Variants in HIVEP3 observed in about 807,000 individuals in gnomAD.
HIVEP3 encodes the protein transcription factor HIVEP3.
In HIVEP3, 49 loss-of-function variants were observed where a neutral mutation model predicts 152.8. That is an observed-to-expected ratio of 0.32 (90% CI 0.26 to 0.41). The LOEUF is 0.41. Ranked by LOEUF, HIVEP3 falls within the 10% of genes least tolerant of loss-of-function variation. The pLI is 1.00. For synonymous variants in HIVEP3, 1,269 were observed against 1,289.0 expected (o/e 0.98, Z 0.33); for missense variants, 2,790 against 3,103.3 (o/e 0.90, Z 2.40).
intron 1 of HIVEP3, among the ~76,000 whole-genome samples, chr1:41,851,629 A>G (rs1311077127): frequency 6.6e-6 from 1 of 152,168 alleles, no homozygotes; most frequent in Non-Finnish European, 1.5e-5. Flanking sequence ...CGTGGTTTCC[A>G]AAGTTGGAAT....
At chr1:41,600,835 G>A (rs1028583912) in intron 3 of HIVEP3, among the ~76,000 whole-genome samples, 12 of 152,028 alleles carry the variant, frequency 7.9e-5, no homozygotes, top group African/African-American at 2.9e-4. Flanking sequence ...TTTCTCCTAT[G>A]TTTTCTTCTA....
At chr1:41,670,461 C>T (rs1382737729) in intron 2 of HIVEP3, among the ~76,000 whole-genome samples, 1 of 152,216 alleles carries the variant, frequency 6.6e-6, no homozygotes, top group Non-Finnish European at 1.5e-5. Context: ...TGTTCAGCCA[C>T]TATTGGCTGG....
chr1:41,590,986 A>G (rs913538070), intron 3 of HIVEP3, among the ~76,000 whole-genome samples: 8 of 152,232 alleles, frequency 5.3e-5, no homozygotes, highest in Non-Finnish European at 1.2e-4. Context: ...AAGGGACAGT[A>G]AAACTGTCAT....
At chr1:41,884,856 G>A (rs914511794) in intron 1 of HIVEP3, among the ~76,000 whole-genome samples, 2 of 151,370 alleles carry the variant, frequency 1.3e-5, no homozygotes, top group South Asian at 2.1e-4. Context: ...GGCCCAGGTG[G>A]GGGACAAGAG....
intron 1 of HIVEP3, among the ~76,000 whole-genome samples, chr1:41,867,768 C>T (rs756772333): frequency 1.1e-4 from 17 of 152,162 alleles, no homozygotes; most frequent in South Asian, 2.1e-4. Flanking sequence ...CTTCCTCCCA[C>T]GCCTCCTGTG....
intron 1 of HIVEP3, among the ~76,000 whole-genome samples, chr1:42,003,450 T>G (rs1645440057): frequency 6.6e-6 from 1 of 152,342 alleles, no homozygotes; most frequent in South Asian, 2.1e-4. Context: ...CTGTTGTTTC[T>G]GAGCTGTTTT....
intron 1 of HIVEP3, among the ~76,000 whole-genome samples, chr1:41,745,005 C>A (rs1357807969): frequency 6.6e-6 from 1 of 152,124 alleles, no homozygotes; most frequent in Non-Finnish European, 1.5e-5. Context: ...GGATGTCAGC[C>A]AGTCTCAGGA....
At chr1:41,604,228 T>C (rs541135467) in intron 3 of HIVEP3, among the ~76,000 whole-genome samples, 1 of 152,320 alleles carries the variant, frequency 6.6e-6, no homozygotes, top group Non-Finnish European at 1.5e-5. Context: ...AAGAAGAATT[T>C]TCATAGCAGA....
intron 2 of HIVEP3, among the ~76,000 whole-genome samples, chr1:41,677,836 C>T (rs1165247470): frequency 1.3e-5 from 2 of 152,172 alleles, no homozygotes; most frequent in Non-Finnish European, 2.9e-5. Flanking sequence ...TGATGGGTCA[C>T]CAAGGAAAGG....
intron 2 of HIVEP3, among the ~76,000 whole-genome samples, chr1:41,665,707 T>TATACACACACACACACACAC (rs1553245979): frequency 7.8e-6 from 1 of 127,932 alleles, no homozygotes; most frequent in East Asian, 2.5e-4. Context: ...GGAAATGTTA[T>TATACACACACACACACACAC]ACACACACAC....
chr1:41,931,817 T>G (rs1458228092), intron 1 of HIVEP3, among the ~76,000 whole-genome samples: 2 of 152,042 alleles, frequency 1.3e-5, no homozygotes, highest in Non-Finnish European at 2.9e-5. Context: ...CTTGCAACCT[T>G]ACTAAACTCA....
intron 5 of HIVEP3, among the ~76,000 whole-genome samples, chr1:41,530,051 G>C (rs1643199067): frequency 6.6e-6 from 1 of 151,028 alleles, no homozygotes; most frequent in African/African-American, 2.4e-5. Flanking sequence ...CACTCTCCTG[G>C]CACACTCACC....
chr1:41,916,137 C>G (rs959975889), intron 1 of HIVEP3, among the ~76,000 whole-genome samples: 2 of 152,316 alleles, frequency 1.3e-5, no homozygotes, highest in Non-Finnish European at 2.9e-5. Context: ...CTTCTTCTTG[C>G]CTGTACCTTT....
intron 1 of HIVEP3, among the ~76,000 whole-genome samples, chr1:41,940,561 C>T (rs1252002442): frequency 1.3e-5 from 2 of 152,050 alleles, no homozygotes; most frequent in African/African-American, 4.8e-5. Context: ...AAGAAAGAGA[C>T]AAAAATGTTT....
At chr1:41,882,305 C>G (rs1018420812) in intron 1 of HIVEP3, among the ~76,000 whole-genome samples, 1 of 152,126 alleles carries the variant, frequency 6.6e-6, no homozygotes, top group Non-Finnish European at 1.5e-5. Context: ...AAAGACTGCC[C>G]CTATGTCTGC....
At chr1:41,901,401 C>A (rs1358240026) in intron 1 of HIVEP3, among the ~76,000 whole-genome samples, 1 of 151,966 alleles carries the variant, frequency 6.6e-6, no homozygotes, top group Non-Finnish European at 1.5e-5. Flanking sequence ...CACCAGGGGA[C>A]GTGACACCTT....
intron 5 of HIVEP3, among the ~76,000 whole-genome samples, chr1:41,553,309 T>C (rs903977819): frequency 3.2e-4 from 49 of 152,234 alleles, no homozygotes; most frequent in Non-Finnish European, 4.7e-4. Flanking sequence ...TATCAGAGAC[T>C]AGGATTGCAA....
At chr1:41,967,710 A>G (rs1645207023) in intron 1 of HIVEP3, among the ~76,000 whole-genome samples, 1 of 152,216 alleles carries the variant, frequency 6.6e-6, no homozygotes, top group South Asian at 2.1e-4. Context: ...GCAGAACTGA[A>G]GGAGATAGAG....
intron 1 of HIVEP3, among the ~76,000 whole-genome samples, chr1:41,812,876 G>T (rs966137280): frequency 2.0e-5 from 3 of 146,792 alleles, no homozygotes; most frequent in Non-Finnish European, 3.0e-5. Context: ...CTAGCAGGAT[G>T]GGTGGAGGGG....
Sources: allele counts gnomAD v4.1 joint callset (sites outside exome capture counted in the v4.1 genomes callset), GRCh38; gene constraint gnomAD v4.1.1; transcripts MANE v1.5; gene names NCBI Gene and HGNC (gene_info 2026-07-23, HGNC 2026-07-21).